The following NUBP2 variants were observed in gnomAD, a reference collection of about 807,000 sequenced individuals.
The protein encoded by NUBP2 is NUBP iron-sulfur cluster assembly factor 2, cytosolic.
In NUBP2, 23 loss-of-function variants were observed where a neutral mutation model predicts 24.9. The ratio of observed to expected loss-of-function variants is 0.92; its 90% CI spans 0.66 to 1.31. The LOEUF is 1.31. NUBP2 is among the 50% of genes most tolerant of loss of function. The pLI is 0.00. For missense variants in NUBP2, 403 were observed against 386.5 expected (o/e 1.04, Z -0.36); for synonymous variants, 186 against 170.9 (o/e 1.09, Z -0.69).
intron 1 of NUBP2, chr16:1,785,977 C>A (rs938890083): frequency 5.0e-6 from 6 of 1,207,238 alleles, no homozygotes; most frequent in Non-Finnish European, 6.3e-6. Context: ...GGATGGGACC[C>A]TGGAAGGAAG....
At chr16:1,788,486 G>T in intron 6 of NUBP2, 83 bp from the exon 7 acceptor site, 8 of 1,466,668 alleles carry the variant, frequency 5.5e-6, no homozygotes, top group Non-Finnish European at 7.2e-6. Context: ...TAAGGCCACG[G>T]GTGGTTCGGG....
chr16:1,786,122 G>A (rs1260053448), intron 1 of NUBP2: 7 of 494,860 alleles, frequency 1.4e-5, no homozygotes, highest in South Asian at 4.5e-5. Flanking sequence ...TGCCTCTGCC[G>A]AGCCCAGGTG....
rs767981474 is a variant in NUBP2, at chr16:1,786,568, C to G, written c.48C>G (p.Ile16Met). 5 of 1,605,710 alleles carry G rather than the reference C, an allele frequency of 3.1e-6. No individual in the cohort carries two copies. The highest frequency in any genetic ancestry group is 1.7e-4 in the Middle Eastern group (1 of 6,056). ...GAAACCTGGCCGGCGTCAGGCACATCATCCTGGTCCTCTCAGGAAAGGGGG... is the reference window on the plus strand; with the variant it reads ...GAAACCTGGCCGGCGTCAGGCACATGATCCTGGTCCTCTCAGGAAAGGGGG... ...EPGNLAGVRH[I>M]ILVLSGKGGV... The change falls in exon 2 of 7, where the codon ATC becomes ATG. Residue 16 changes from isoleucine to methionine, a missense_variant. Coordinates refer to ENST00000262302, the MANE Select transcript of NUBP2 (RefSeq NM_012225.4).
rs1352063529 is a variant in NUBP2, at chr16:1,788,712, T to G, written c.814T>G (p.Ter272GlyextTer74). The G allele has an allele frequency of 3.1e-6, 5 of 1,608,310 alleles. No homozygotes were observed. Among genetic ancestry groups the G allele is most frequent in the East Asian group, 2.2e-5 (1 of 44,796 alleles). ...GGACGCGACGCCCGCGTGCCTCCCC[T>G]GACTAAGGCCACCTTGCAGCCGCTT... Reference protein sequence around the residue: ...ILDATPACLP* With the variant: ...ILDATPACLPG The change falls in exon 7 of 7, where the codon TGA (stop) becomes GGA (glycine). Residue 272 changes from the stop codon to glycine, a stop_lost. Coordinates refer to ENST00000262302, the MANE Select transcript of NUBP2 (RefSeq NM_012225.4).
chr16:1,787,929 C>G lies in NUBP2; in HGVS notation c.490-12C>G. 2.5e-6 allele frequency: 4 copies of G among 1,603,932 alleles called. No homozygotes were observed. In the Middle Eastern group the frequency reaches 6.7e-4, roughly 267 times the overall value. ...CGCCTGGCTGACCGTGGCCTCGGCT[C>G]CTGCCCCGCAGGCGGTGTCCGTGGG... is the stretch of plus-strand genomic sequence containing the variant. On this transcript the variant is annotated splice_polypyrimidine_tract_variant and intron_variant, in intron 4 of 6. Transcript: ENST00000262302.
At position 1,786,808 on chromosome 16, in the gene NUBP2, G is replaced by A. The variant is rs143009478; in HGVS notation, c.187G>A (p.Gly63Arg). 43 of 1,609,772 alleles carry A rather than the reference G, an allele frequency of 2.7e-5. 1 individual carries two copies. The highest frequency in any genetic ancestry group is 5.3e-5 in the African/African-American group (4 of 74,876). ...TGGCCCCAGTATCCCCCGCATGCTC[G>A]GGGCGCAGGGCAGGGCTGTGCACCA... ...LCGPSIPRML[G>R]AQGRAVHQCD... Residue 63 changes from glycine to arginine, a missense_variant, in exon 3 of 7, where the codon GGG (glycine) becomes AGG (arginine). Coordinates refer to ENST00000262302, the MANE Select transcript of NUBP2 (RefSeq NM_012225.4).
intron 3 of NUBP2, 59 bp downstream of exon 3, chr16:1,787,014 C>T (rs992619989): frequency 1.4e-6 from 2 of 1,419,854 alleles, no homozygotes; most frequent in African/African-American, 2.9e-5. Flanking sequence ...CCGTGCCGGC[C>T]TCTCCTGTGG....
chr16:1,786,229 C>G, intron 1 of NUBP2: 2 of 407,290 alleles, frequency 4.9e-6, no homozygotes, highest in Admixed American at 4.0e-5. Flanking sequence ...TTTGCACACG[C>G]GCACGAAGGA....
At chr16:1,783,345 A>G (rs1896811148) in intron 1 of NUBP2, 1 of 1,102,756 alleles carries the variant, frequency 9.1e-7, no homozygotes, top group Non-Finnish European at 1.1e-6. Flanking sequence ...GGGCCCCGCT[A>G]TCCTGGAGGT....
At chr16:1,788,325 C>T (rs1312091341) in intron 6 of NUBP2, 118 bp downstream of exon 6, 5 of 1,150,080 alleles carry the variant, frequency 4.3e-6, no homozygotes, top group East Asian at 5.5e-5. Context: ...GCGGTTTCCT[C>T]CTCTCTTCTC....
At chr16:1,784,407 GT>G (rs1896864596) in intron 1 of NUBP2, 1 of 150,852 alleles carries the variant, frequency 6.6e-6, no homozygotes, top group Admixed American at 6.6e-5. Flanking sequence ...TCGTTTTTTT[GT>G]TGGGGGGAGA....
intron 1 of NUBP2, chr16:1,783,982 G>A: frequency 2.0e-6 from 2 of 984,100 alleles, no homozygotes; most frequent in Non-Finnish European, 2.4e-6. Flanking sequence ...CGTGAGCCAC[G>A]GCGCCTGGCC....
chr16:1,788,068 G>A lies in NUBP2; in HGVS notation c.600+17G>A. On this transcript the variant is annotated intron_variant, in intron 5 of 6. Coordinates refer to ENST00000262302, the MANE Select transcript of NUBP2 (RefSeq NM_012225.4). ...CACTGCACGGTGAGTCCCGGGGGTT[G>A]CAGAGGGGGCGAGGCAGCACCTGGC... The A allele has an allele frequency of 1.3e-6, 2 of 1,572,650 alleles. No individual in the cohort carries two copies. The highest frequency in any genetic ancestry group is 1.7e-6 in the Non-Finnish European group (2 of 1,162,244).
intron 6 of NUBP2, 135 bp from the exon 7 acceptor site, chr16:1,788,434 G>A (rs1897094576): frequency 7.5e-7 from 1 of 1,333,918 alleles, no homozygotes; most frequent in Non-Finnish European, 9.9e-7. Flanking sequence ...GAGGGCCGCG[G>A]GTCTGGAGGT....
In NUBP2 at chr16:1,787,922, C is replaced by T. The variant is rs1897062392; in HGVS notation, c.490-19C>T. ...GCTGGTGCGCCTGGCTGACCGTGGCCTCGGCTCCTGCCCCGCAGGCGGTGT... is the reference window on the plus strand; with the variant it reads ...GCTGGTGCGCCTGGCTGACCGTGGCTTCGGCTCCTGCCCCGCAGGCGGTGT... On this transcript the variant is annotated intron_variant, in intron 4 of 6. Coordinates refer to ENST00000262302, the MANE Select transcript of NUBP2 (RefSeq NM_012225.4). 2 of 1,602,338 alleles carry T rather than the reference C, an allele frequency of 1.2e-6. No homozygotes were observed. Among genetic ancestry groups the T allele is most frequent in the Admixed American group, 1.7e-5 (1 of 58,882 alleles).
chr16:1,786,285 CT>C (rs1896962499), intron 1 of NUBP2: 3 of 531,880 alleles, frequency 5.6e-6, no homozygotes, highest in Non-Finnish European at 6.7e-6. Context: ...GCAGTTTCCA[CT>C]CTCAGCAGCG....
At chr16:1,785,905 G>A in intron 1 of NUBP2, 2 of 1,285,574 alleles carry the variant, frequency 1.6e-6, no homozygotes, top group Non-Finnish European at 1.0e-6. Context: ...GCGCCGGGGT[G>A]AGAATGCAGG....
chr16:1,783,627 C>A, intron 1 of NUBP2: 2 of 393,326 alleles, frequency 5.1e-6, no homozygotes, highest in South Asian at 1.1e-4. Flanking sequence ...AGTCCGATAC[C>A]AAAAGGAAAA....
At chr16:1,786,368 G>A (rs760957485) in intron 1 of NUBP2, 169 bp from the exon 2 acceptor site, 1 of 670,432 alleles carries the variant, frequency 1.5e-6, no homozygotes, top group Non-Finnish European at 2.6e-6. Context: ...CAGGGGACCT[G>A]CCTGGAGGTC....
Sources: gnomAD v4.1 joint callset for allele counts on GRCh38, gnomAD v4.1.1 for gene constraint, MANE v1.5 for transcripts, NCBI Gene and HGNC (gene_info 2026-07-23, HGNC 2026-07-21) for gene names.